Variants in ROBO2 observed in about 807,000 individuals in gnomAD.
ROBO2 encodes roundabout homolog 2.
ROBO2 carries 53 observed loss-of-function variants against 160.8 expected under a neutral mutation model. That is an observed-to-expected ratio of 0.33 (90% CI 0.26 to 0.41). The LOEUF is 0.41. Among genes scored for constraint, ROBO2 ranks in the 10% least tolerant of loss-of-function variants. The probability of loss-of-function intolerance (pLI) is 1.00; values close to 1 mark genes in which losing one functional copy is unlikely to be tolerated. For synonymous variants in ROBO2, 664 were observed against 611.7 expected, an observed-to-expected ratio of 1.09 and a Z score of -1.26; for missense variants, 1,577 against 1,722.4, an observed-to-expected ratio of 0.92 and a Z score of 1.49.
intron 2 of ROBO2, among the ~76,000 whole-genome samples, chr3:77,267,522 G>C (rs2153348468): frequency 6.6e-6 from 1 of 152,264 alleles, no homozygotes; most frequent in Non-Finnish European, 1.5e-5. Context: ...ATGTATATTT[G>C]AAAGAATAAG....
chr3:76,291,163 A>G (rs2107703483), intron 2 of ROBO2, among the ~76,000 whole-genome samples: 1 of 152,192 alleles, frequency 6.6e-6, no homozygotes, highest in East Asian at 1.9e-4. Flanking sequence ...CTGTGAATTC[A>G]TGTAGTCCAG....
At chr3:76,905,838 T>G (rs2075565906) in intron 2 of ROBO2, among the ~76,000 whole-genome samples, 1 of 152,208 alleles carries the variant, frequency 6.6e-6, no homozygotes, top group African/African-American at 2.4e-5. Flanking sequence ...TTAAAGACTT[T>G]GATGTAAATA....
At chr3:76,949,238 C>T (rs985754396) in intron 2 of ROBO2, among the ~76,000 whole-genome samples, 15 of 151,960 alleles carry the variant, frequency 9.9e-5, no homozygotes, top group Non-Finnish European at 2.2e-4. Context: ...TCTTATGCTG[C>T]CTTTTGTTTC....
At chr3:76,862,437 A>T (rs966073037) in intron 2 of ROBO2, among the ~76,000 whole-genome samples, 30 of 152,148 alleles carry the variant, frequency 2.0e-4, no homozygotes, top group African/African-American at 6.8e-4. Context: ...GAATTTTCAT[A>T]AGGAAATAAG....
chr3:76,452,606 G>T (rs1239941102), intron 2 of ROBO2, among the ~76,000 whole-genome samples: 2 of 152,102 alleles, frequency 1.3e-5, no homozygotes, highest in African/African-American at 4.8e-5. Context: ...CCAAGTCTTT[G>T]CTATTGTGAA....
intron 2 of ROBO2, among the ~76,000 whole-genome samples, chr3:77,362,069 G>T (rs1286844766): frequency 1.3e-5 from 2 of 152,142 alleles, no homozygotes; most frequent in African/African-American, 4.8e-5. Context: ...AATGGGGAAG[G>T]ATGACATTCA....
intron 2 of ROBO2, among the ~76,000 whole-genome samples, chr3:76,571,832 G>A (rs923067088): frequency 2.6e-5 from 4 of 152,142 alleles, no homozygotes; most frequent in Admixed American, 6.5e-5. Flanking sequence ...ATTGCACTGC[G>A]TATTTAAAAT....
chr3:77,012,228 G>A (rs2061964752), intron 2 of ROBO2, among the ~76,000 whole-genome samples: 1 of 152,044 alleles, frequency 6.6e-6, no homozygotes, highest in South Asian at 2.1e-4. Flanking sequence ...CTCCACTACA[G>A]CATACCCTGG....
chr3:77,128,449 A>G (rs186916955), intron 2 of ROBO2, among the ~76,000 whole-genome samples: 32 of 152,278 alleles, frequency 2.1e-4, no homozygotes, highest in Admixed American at 2.1e-3. Context: ...TGTATCCCTC[A>G]TGGATAAGAA....
rs1460176377 is a variant in ROBO2, at chr3:77,104,941, A to C, written c.388+6601A>C. Among the ~76,000 whole-genome samples, 3 of 152,176 alleles carry C rather than the reference A, an allele frequency of 2.0e-5. No individual in the cohort carries two copies. The East Asian group carries it at 5.8e-4, about 29-fold the overall frequency. On this transcript the variant is annotated intron_variant, in intron 2 of 25. Transcript: ENST00000461745. ...GACTGTTTTCAGTTTGGTCCCAATTAAGTTGGATAATCTTACTGTTTGAGT... is the reference window on the plus strand; with the variant it reads ...GACTGTTTTCAGTTTGGTCCCAATTCAGTTGGATAATCTTACTGTTTGAGT...
At chr3:77,282,113 A>C (rs1027575316) in intron 2 of ROBO2, among the ~76,000 whole-genome samples, 1 of 151,870 alleles carries the variant, frequency 6.6e-6, no homozygotes, top group African/African-American at 2.4e-5. Flanking sequence ...ACAAGGAAAA[A>C]ATGTCTCTAC....
intron 2 of ROBO2, among the ~76,000 whole-genome samples, chr3:77,201,622 T>C (rs1342890715): frequency 6.6e-6 from 1 of 152,220 alleles, no homozygotes; most frequent in Non-Finnish European, 1.5e-5. Flanking sequence ...AAAAGTATGT[T>C]GGTCTGTTTC....
intron 2 of ROBO2, among the ~76,000 whole-genome samples, chr3:76,605,124 T>C (rs969276954): frequency 6.6e-6 from 1 of 152,160 alleles, no homozygotes; most frequent in African/African-American, 2.4e-5. Flanking sequence ...ATTAAAATGT[T>C]TGTGTGCATT....
intron 2 of ROBO2, among the ~76,000 whole-genome samples, chr3:76,948,886 ATATATATATATATATATATATATTT>A (rs2078747739): frequency 9.7e-5 from 2 of 20,596 alleles, no homozygotes; most frequent in African/African-American, 4.2e-4. Context: ...ATATATATAT[ATATATATATATATATATATATATTT>A]TTTTTTTTTT....
intron 2 of ROBO2, among the ~76,000 whole-genome samples, chr3:76,187,711 A>G (rs374295591): frequency 6.6e-6 from 1 of 152,156 alleles, no homozygotes; most frequent in Admixed American, 6.6e-5. Flanking sequence ...CAATCTAAGC[A>G]GCAGACATTT....
At chr3:77,381,107 A>G (rs2073399941) in intron 2 of ROBO2, among the ~76,000 whole-genome samples, 1 of 152,206 alleles carries the variant, frequency 6.6e-6, no homozygotes, top group African/African-American at 2.4e-5. Flanking sequence ...CGAGGTCAGG[A>G]GATCAAGACC....
chr3:77,091,112 G>A (rs1335410968), intron 1 of ROBO2, among the ~76,000 whole-genome samples: 1 of 152,134 alleles, frequency 6.6e-6, no homozygotes, highest in East Asian at 1.9e-4. Flanking sequence ...GGGACTAATA[G>A]CTGATAGGGC....
chr3:76,247,445 T>C (rs562640549), intron 2 of ROBO2, among the ~76,000 whole-genome samples: 1 of 152,288 alleles, frequency 6.6e-6, no homozygotes, highest in Admixed American at 6.5e-5. Flanking sequence ...ATATTCAAAA[T>C]TTTAACATTA....
At chr3:76,033,842 C>T (rs1482047460) in intron 2 of ROBO2, among the ~76,000 whole-genome samples, 1 of 152,128 alleles carries the variant, frequency 6.6e-6, no homozygotes, top group Non-Finnish European at 1.5e-5. Context: ...GTGTTTCTAC[C>T]TGCGGCCTGT....
Sources: gnomAD v4.1 joint callset for allele counts (sites outside exome capture counted in the v4.1 genomes callset) on GRCh38, gnomAD v4.1.1 for gene constraint, MANE v1.5 for transcripts, NCBI Gene and HGNC (gene_info 2026-07-23, HGNC 2026-07-21) for gene names.